CTNNBL1: variants seen among roughly 807,000 people sequenced by gnomAD.
The protein encoded by CTNNBL1 is beta-catenin-like protein 1.
In CTNNBL1, 31 loss-of-function variants were observed where a neutral mutation model predicts 72.7. That is an observed-to-expected ratio of 0.43 (90% confidence interval 0.32 to 0.58). The LOEUF (loss-of-function observed/expected upper bound fraction) is 0.58. Among genes scored for constraint, CTNNBL1 ranks in the 20% least tolerant of loss-of-function variants. CTNNBL1 has a pLI of 0.08. For missense variants in CTNNBL1, 534 were observed against 725.1 expected (o/e 0.74, Z 3.03); for synonymous variants, 240 against 267.3 (o/e 0.90, Z 1.00).
chr20:37,781,708 T>C (rs2073627213), intron 10 of CTNNBL1, among the ~76,000 whole-genome samples: 1 of 152,232 alleles, frequency 6.6e-6, no homozygotes, highest in Non-Finnish European at 1.5e-5. Flanking sequence ...TCTGATCTTC[T>C]AGTAAGAGCT....
chr20:37,792,670 G>GAA (rs11482084), intron 10 of CTNNBL1, among the ~76,000 whole-genome samples: 13 of 151,666 alleles, frequency 8.6e-5, no homozygotes, highest in South Asian at 2.1e-4. Flanking sequence ...TGCAAAACTG[G>GAA]AAAAAAAATC....
chr20:37,732,699 T>C (rs1023582932), intron 1 of CTNNBL1, among the ~76,000 whole-genome samples, 180 bp from the exon 2 acceptor site: 12 of 152,190 alleles, frequency 7.9e-5, no homozygotes, highest in Non-Finnish European at 1.6e-4. Context: ...GCAAAGTCTT[T>C]TTTTGTATTT....
intron 4 of CTNNBL1, among the ~76,000 whole-genome samples, chr20:37,754,507 G>A (rs1421087810): frequency 1.3e-5 from 2 of 152,052 alleles, no homozygotes; most frequent in African/African-American, 4.8e-5. Context: ...TATTAAATAA[G>A]CATTTGAATG....
intron 10 of CTNNBL1, among the ~76,000 whole-genome samples, chr20:37,802,368 G>T (rs560447634): frequency 2.0e-5 from 3 of 152,294 alleles, no homozygotes; most frequent in African/African-American, 7.2e-5. Context: ...AGGGTAGGGG[G>T]TGTTAAGAGT....
rs577746886 is a variant in CTNNBL1, at chr20:37,739,111, T to C, written c.326+1627T>C. ...GTGTGTGTGTGTGTGTGTGTGTGTG[T>C]GTGTGTAATTACACAAGTAATGCAT... On this transcript the variant is annotated intron_variant, in intron 3 of 15. Coordinates refer to ENST00000361383, the MANE Select transcript of CTNNBL1 (RefSeq NM_030877.5). Among the ~76,000 whole-genome samples, 54 of 146,756 alleles carry C rather than the reference T, an allele frequency of 3.7e-4. No individual in the cohort carries two copies. The South Asian group carries it at 0.011, about 31-fold the overall frequency.
intron 15 of CTNNBL1, among the ~76,000 whole-genome samples, chr20:37,866,254 C>T (rs1047065026): frequency 2.0e-5 from 3 of 152,228 alleles, no homozygotes; most frequent in Non-Finnish European, 4.4e-5. Context: ...GGCCTCACAC[C>T]CAGTTCACCC....
Position 37,861,402 on chromosome 20 carries a change from G to A in CTNNBL1, c.1603+1058G>A, listed in dbSNP as rs575708745. 2.0e-3 allele frequency among the ~76,000 whole-genome samples: 309 copies of A among 152,354 alleles called. 2 individuals carry two copies. Among genetic ancestry groups the A allele is most frequent in the African/African-American group, 2.9e-3 (121 of 41,578 alleles). On this transcript the variant is annotated intron_variant, in intron 15 of 15. Transcript: ENST00000361383. Reference sequence around the variant, plus strand: ...GCCACCTAGGCACTAACTGGAGAGCGCTGGCTGGTACGTGTGGCAGTGGAG... The same window carrying A: ...GCCACCTAGGCACTAACTGGAGAGCACTGGCTGGTACGTGTGGCAGTGGAG...
At chr20:37,781,282 G>A (rs1369715636) in intron 10 of CTNNBL1, among the ~76,000 whole-genome samples, 1 of 152,072 alleles carries the variant, frequency 6.6e-6, no homozygotes, top group Non-Finnish European at 1.5e-5. Context: ...TGTTCTGAAG[G>A]GACTTTTCCT....
intron 13 of CTNNBL1, among the ~76,000 whole-genome samples, chr20:37,855,546 G>A (rs2072432400): frequency 6.6e-6 from 1 of 152,160 alleles, no homozygotes; most frequent in African/African-American, 2.4e-5. Context: ...GTAAATGAAT[G>A]AGTTCCACTC....
At chr20:37,843,544 C>T (rs1188814669) in intron 13 of CTNNBL1, among the ~76,000 whole-genome samples, 1 of 152,214 alleles carries the variant, frequency 6.6e-6, no homozygotes, top group Non-Finnish European at 1.5e-5. Context: ...CCACCTCTTC[C>T]CTTTCATAAA....
chr20:37,801,783 C>G (rs920372657), intron 10 of CTNNBL1, among the ~76,000 whole-genome samples: 3 of 152,100 alleles, frequency 2.0e-5, no homozygotes, highest in African/African-American at 7.2e-5. Context: ...ATGTTTCCCC[C>G]CTAAGACAAG....
chr20:37,702,509 T>C (rs2072852830), intron 1 of CTNNBL1, among the ~76,000 whole-genome samples: 1 of 152,170 alleles, frequency 6.6e-6, no homozygotes, highest in African/African-American at 2.4e-5. Context: ...ATGAAGTCAT[T>C]TTATATAGGC....
chr20:37,785,809 C>T (rs892866810), intron 10 of CTNNBL1, among the ~76,000 whole-genome samples: 1 of 152,124 alleles, frequency 6.6e-6, no homozygotes, highest in East Asian at 1.9e-4. Flanking sequence ...GGATCTTTGT[C>T]GGTGTCTGGG....
intron 1 of CTNNBL1, among the ~76,000 whole-genome samples, chr20:37,726,893 TATC>T (rs1208187042): frequency 6.6e-6 from 1 of 152,224 alleles, no homozygotes; most frequent in Admixed American, 6.5e-5. Flanking sequence ...TTTCATAATT[TATC>T]ATAATGATAC....
At chr20:37,870,722 C>T (rs1000329315) in intron 15 of CTNNBL1, among the ~76,000 whole-genome samples, 1 of 152,190 alleles carries the variant, frequency 6.6e-6, no homozygotes, top group Non-Finnish European at 1.5e-5. Flanking sequence ...TCATTCCTTT[C>T]TGCTCAGGAC....
At position 37,746,745 on chromosome 20, in the gene CTNNBL1, AAC is replaced by A. The variant is rs2073268778; in HGVS notation, c.466+144_466+145del. Reference sequence around the variant, plus strand: ...CCATTCTAATTATCTTCTGTCTTGAAACACACAATGCTTTTTACTCATTTGAA... The same window carrying A: ...CCATTCTAATTATCTTCTGTCTTGAAACACAATGCTTTTTACTCATTTGAA... On this transcript the variant is annotated intron_variant, in intron 4 of 15. Coordinates refer to ENST00000361383, the MANE Select transcript of CTNNBL1 (RefSeq NM_030877.5). 4 of 1,142,664 alleles carry A rather than the reference AAC, an allele frequency of 3.5e-6. No homozygotes were observed. In the Admixed American group the frequency reaches 5.6e-5, roughly 16 times the overall value. 70.8% of individuals were successfully genotyped at this position (1,142,664 alleles called of 1,614,324 possible). A position where few individuals can be genotyped will look rare whatever the true frequency, so the allele number is the denominator to read the frequency against.
chr20:37,829,473 G>A (rs140735201), intron 11 of CTNNBL1, among the ~76,000 whole-genome samples: 128 of 152,310 alleles, frequency 8.4e-4, no homozygotes, highest in African/African-American at 2.9e-3. Flanking sequence ...GTAAATGCCA[G>A]GCCATTGGGA....
intron 1 of CTNNBL1, among the ~76,000 whole-genome samples, chr20:37,720,794 C>T (rs994330759): frequency 1.3e-5 from 2 of 152,190 alleles, no homozygotes; most frequent in African/African-American, 4.8e-5. Flanking sequence ...ATGAACAAGG[C>T]ACTCTTAGGT....
chr20:37,793,584 G>GT (rs1318423291), intron 10 of CTNNBL1, among the ~76,000 whole-genome samples: 2 of 152,196 alleles, frequency 1.3e-5, no homozygotes, highest in African/African-American at 4.8e-5. Flanking sequence ...AAATGAGGCC[G>GT]TAAGAGTGGG....
Sources: gnomAD v4.1 joint callset for allele counts (sites outside exome capture counted in the v4.1 genomes callset) on GRCh38, gnomAD v4.1.1 for gene constraint, MANE v1.5 for transcripts, NCBI Gene and HGNC (gene_info 2026-07-23, HGNC 2026-07-21) for gene names.